ST6GALNAC3: variants seen among roughly 807,000 people sequenced by gnomAD.
The protein encoded by ST6GALNAC3 is alpha-N-acetylgalactosaminide alpha-2,6-sialyltransferase 3.
ST6GALNAC3 carries 25 observed loss-of-function variants against 32.7 expected under a neutral mutation model. The observed-to-expected ratio is 0.76, with a 90% CI of 0.56 to 1.07. ST6GALNAC3 has a LOEUF of 1.07. Among genes scored for constraint, ST6GALNAC3 ranks in the 50% least tolerant of loss-of-function variants. ST6GALNAC3 has a pLI of 0.00. For synonymous variants in ST6GALNAC3, 129 were observed against 133.1 expected (o/e 0.97, Z 0.21); for missense variants, 355 against 382.4 (o/e 0.93, Z 0.60).
intron 1 of ST6GALNAC3, among the ~76,000 whole-genome samples, chr1:76,182,416 C>T (rs905563341): frequency 1.3e-5 from 2 of 152,184 alleles, no homozygotes; most frequent in Admixed American, 1.3e-4. Context: ...CTTGCACCTG[C>T]TAAATCCTTT....
chr1:76,333,338 AC>A (rs1221836602), intron 2 of ST6GALNAC3, among the ~76,000 whole-genome samples: 6 of 152,178 alleles, frequency 3.9e-5, no homozygotes, highest in Non-Finnish European at 7.3e-5. Context: ...GGGCATTAAG[AC>A]TGTTCAAAAA....
Position 76,529,184 on chromosome 1 carries a change from G to A in ST6GALNAC3, c.624-98268G>A, listed in dbSNP as rs1264467215. On this transcript the variant is annotated intron_variant, in intron 3 of 4. Transcript: ENST00000328299. ...ATTCATGTGTTGAAGACAAACCTCC[G>A]CAGAGCCAGAGGATTTTCTTTCACC... 6.6e-5 allele frequency among the ~76,000 whole-genome samples: 10 copies of A among 152,088 alleles called. No homozygotes were observed. The South Asian group carries it at 8.3e-4, about 13-fold the overall frequency.
At chr1:76,313,185 A>G (rs947530553) in intron 1 of ST6GALNAC3, among the ~76,000 whole-genome samples, 3 of 152,188 alleles carry the variant, frequency 2.0e-5, no homozygotes, top group Non-Finnish European at 2.9e-5. Flanking sequence ...AAGAATGTGA[A>G]CATCCATTCA....
At chr1:76,250,996 T>C (rs965987006) in intron 1 of ST6GALNAC3, among the ~76,000 whole-genome samples, 4 of 152,178 alleles carry the variant, frequency 2.6e-5, no homozygotes, top group African/African-American at 9.7e-5. Context: ...ACCTTTCTTC[T>C]GGGCTTCATC....
intron 1 of ST6GALNAC3, among the ~76,000 whole-genome samples, chr1:76,104,739 C>T (rs1444319063): frequency 6.6e-6 from 1 of 151,796 alleles, no homozygotes; most frequent in African/African-American, 2.4e-5. Context: ...ATACCTGAGA[C>T]TGGGCAATTT....
intron 3 of ST6GALNAC3, among the ~76,000 whole-genome samples, chr1:76,613,247 C>A (rs192101630): frequency 1.3e-5 from 2 of 152,166 alleles, no homozygotes; most frequent in Admixed American, 6.5e-5. Context: ...AGTAAATAAG[C>A]CTCTTGATGT....
chr1:76,479,166 G>A (rs970367744), intron 3 of ST6GALNAC3, among the ~76,000 whole-genome samples: 26 of 152,202 alleles, frequency 1.7e-4, no homozygotes, highest in African/African-American at 5.5e-4. Flanking sequence ...CAAAAGAAGA[G>A]GCTATTTTGA....
rs1650572772 is a variant in ST6GALNAC3, at chr1:76,144,780, T to TATGACA, written c.18+69896_18+69897insATGACA. ...TAGATGACAGTTGTGTCCTGAAGTC[T>TATGACA]GATAGCTTCTATGAATTTCTCAAAC... On this transcript the variant is annotated intron_variant, in intron 1 of 4. Coordinates refer to ENST00000328299, the MANE Select transcript of ST6GALNAC3 (RefSeq NM_152996.4). Among the ~76,000 whole-genome samples the TATGACA allele has an allele frequency of 4.6e-5, 7 of 152,362 alleles. No individual in the cohort carries two copies. In the South Asian group the frequency reaches 1.4e-3, roughly 32 times the overall value.
intron 2 of ST6GALNAC3, among the ~76,000 whole-genome samples, chr1:76,400,533 T>C (rs907597640): frequency 1.3e-5 from 2 of 152,122 alleles, no homozygotes; most frequent in Non-Finnish European, 1.5e-5. Flanking sequence ...ATAACAATGA[T>C]TTTTTAGAAT....
intron 1 of ST6GALNAC3, among the ~76,000 whole-genome samples, chr1:76,235,508 A>G (rs941999293): frequency 3.9e-4 from 60 of 152,082 alleles, no homozygotes; most frequent in African/African-American, 1.4e-3. Context: ...TCCTGTCTCA[A>G]AATAAATAAG....
chr1:76,189,904 G>T (rs1168610639), intron 1 of ST6GALNAC3, among the ~76,000 whole-genome samples: 1 of 152,132 alleles, frequency 6.6e-6, no homozygotes, highest in Non-Finnish European at 1.5e-5. Flanking sequence ...AATTCTAAAA[G>T]CTCAATTCTT....
chr1:76,413,409 A>G (rs994752018), intron 3 of ST6GALNAC3, among the ~76,000 whole-genome samples: 5 of 152,190 alleles, frequency 3.3e-5, no homozygotes, highest in African/African-American at 1.2e-4. Context: ...TAGTTCCAAT[A>G]TTAGCATTCC....
At chr1:76,339,318 G>A (rs1047947470) in intron 2 of ST6GALNAC3, among the ~76,000 whole-genome samples, 3 of 152,178 alleles carry the variant, frequency 2.0e-5, no homozygotes, top group Admixed American at 6.5e-5. Flanking sequence ...ATTTAAAGAT[G>A]CACTGCTGCT....
rs114760810 is a variant in ST6GALNAC3 at position 76,621,390 on chromosome 1, T to A, written c.624-6062T>A. ...GCCACAGAATGATGTTTTTATTTAT[T>A]TGAAAAGTTTATGTCCATTTGCAAA... On this transcript the variant is annotated intron_variant, in intron 3 of 4. Transcript: ENST00000328299. Among the ~76,000 whole-genome samples the A allele has an allele frequency of 3.0e-3, 455 of 152,206 alleles. 5 individuals carry two copies. The highest frequency in any genetic ancestry group is 0.011 in the African/African-American group (439 of 41,546).
chr1:76,468,523 T>C (rs1216312030), intron 3 of ST6GALNAC3, among the ~76,000 whole-genome samples: 3 of 152,060 alleles, frequency 2.0e-5, no homozygotes, highest in Non-Finnish European at 4.4e-5. Context: ...TCACTAAATA[T>C]GGCAGCCCTG....
chr1:76,265,270 C>T (rs1012954990), intron 1 of ST6GALNAC3, among the ~76,000 whole-genome samples: 1 of 152,094 alleles, frequency 6.6e-6, no homozygotes, highest in Non-Finnish European at 1.5e-5. Context: ...ATCAGCTATC[C>T]AGGTCATCTG....
At chr1:76,571,978 A>G (rs1665888394) in intron 3 of ST6GALNAC3, among the ~76,000 whole-genome samples, 2 of 152,100 alleles carry the variant, frequency 1.3e-5, no homozygotes, top group Admixed American at 6.6e-5. Context: ...CATCATGATA[A>G]CATCACTTTG....
chr1:76,452,848 G>A (rs908315210), intron 3 of ST6GALNAC3, among the ~76,000 whole-genome samples: 1 of 152,142 alleles, frequency 6.6e-6, no homozygotes, highest in Non-Finnish European at 1.5e-5. Context: ...AGTGTCAGTA[G>A]GATTGGTACC....
At chr1:76,241,874 C>G (rs902177089) in intron 1 of ST6GALNAC3, among the ~76,000 whole-genome samples, 1 of 152,100 alleles carries the variant, frequency 6.6e-6, no homozygotes. Flanking sequence ...GTGTGTGACT[C>G]ACATTACATT....
Sources: gnomAD v4.1 joint callset for allele counts (sites outside exome capture counted in the v4.1 genomes callset) on GRCh38, gnomAD v4.1.1 for gene constraint, MANE v1.5 for transcripts, NCBI Gene and HGNC (gene_info 2026-07-23, HGNC 2026-07-21) for gene names.